Variants in CCDC102B observed in about 807,000 individuals in gnomAD.
CCDC102B encodes coiled-coil domain containing 102B, also known as coiled-coil domain-containing protein 102B.
Under a neutral mutation model 57.4 loss-of-function variants are expected in CCDC102B, and 75 were observed. The ratio of observed to expected loss-of-function variants is 1.31; its 90% confidence interval spans 1.08 to 1.58. The LOEUF is 1.58. CCDC102B is among the 40% of genes most tolerant of loss of function. The pLI is 0.00. For missense variants in CCDC102B, 636 were observed against 582.6 expected (o/e 1.09, Z -0.94); for synonymous variants, 206 against 201.9 (o/e 1.02, Z -0.17).
At chr18:68,829,558 G>A (rs1381870440) in intron 1 of CCDC102B, among the ~76,000 whole-genome samples, 2 of 151,942 alleles carry the variant, frequency 1.3e-5, no homozygotes, top group Admixed American at 6.6e-5. Flanking sequence ...TTCAAACTTC[G>A]TGAAGTCTGA....
At chr18:68,773,205 G>C (rs1209932631) in intron 2 of CCDC102B, among the ~76,000 whole-genome samples, 1 of 151,970 alleles carries the variant, frequency 6.6e-6, no homozygotes, top group African/African-American at 2.4e-5. Flanking sequence ...GAATCGGATT[G>C]AGTTCCTTCT....
In CCDC102B at chr18:68,897,417, GA is replaced by G. The variant is rs562973346; in HGVS notation, c.1259del (p.Asn420ThrfsTer5). ...CAAGATGTCACAAATTGATCTGCAA[GA>G]AAAAAACCAGGTATGGGTGCTCCTT... is the stretch of plus-strand genomic sequence containing the variant. ...DFKMSQIDLQ[E>X]KNQELLNLQH... On this transcript the variant is annotated frameshift_variant, in exon 6 of 8. Transcript: ENST00000360242. LOFTEE classifies it high-confidence loss of function. 1.2e-6 allele frequency: 2 copies of G among 1,609,412 alleles called. No individual in the cohort carries two copies. Among genetic ancestry groups the G allele is most frequent in the Non-Finnish European group, 1.7e-6 (2 of 1,178,106 alleles).
intron 2 of CCDC102B, among the ~76,000 whole-genome samples, chr18:68,772,885 A>G (rs145881358): frequency 2.0e-5 from 3 of 152,172 alleles, no homozygotes; most frequent in Non-Finnish European, 4.4e-5. Context: ...AGAAAGAAAG[A>G]ATATAAAGGA....
chr18:68,995,407 C>T (rs900516991), intron 6 of CCDC102B, among the ~76,000 whole-genome samples: 1 of 152,074 alleles, frequency 6.6e-6, no homozygotes, highest in African/African-American at 2.4e-5. Context: ...CTTAGGTCGG[C>T]TTAGGAGGAA....
chr18:68,811,187 G>T (rs917800478), intron 1 of CCDC102B, among the ~76,000 whole-genome samples: 1 of 152,164 alleles, frequency 6.6e-6, no homozygotes, highest in African/African-American at 2.4e-5. Flanking sequence ...ATAGTAGAAT[G>T]ATTTATAATC....
intron 6 of CCDC102B, among the ~76,000 whole-genome samples, chr18:69,003,295 A>T (rs2051255511): frequency 1.3e-5 from 2 of 152,194 alleles, no homozygotes; most frequent in African/African-American, 4.8e-5. Context: ...TATCATTTAA[A>T]TGATCATAAC....
chr18:68,740,131 C>T (rs1386850886), intron 2 of CCDC102B, among the ~76,000 whole-genome samples: 3 of 152,188 alleles, frequency 2.0e-5, no homozygotes, highest in Non-Finnish European at 4.4e-5. Context: ...TGTTTACCAG[C>T]ACCTTGGCTT....
chr18:68,789,206 G>A (rs2035334040), intron 2 of CCDC102B, among the ~76,000 whole-genome samples: 1 of 152,176 alleles, frequency 6.6e-6, no homozygotes, highest in African/African-American at 2.4e-5. Context: ...TCTGCTGTTA[G>A]TCTGATGGGC....
At chr18:68,765,367 A>G (rs2034423672) in intron 2 of CCDC102B, among the ~76,000 whole-genome samples, 1 of 147,634 alleles carries the variant, frequency 6.8e-6, no homozygotes, top group Non-Finnish European at 1.5e-5. Flanking sequence ...GAAAGAAAGA[A>G]AGAAAGAAAG....
At chr18:68,830,078 T>C (rs2037082228) in intron 1 of CCDC102B, among the ~76,000 whole-genome samples, 1 of 151,948 alleles carries the variant, frequency 6.6e-6, no homozygotes, top group Non-Finnish European at 1.5e-5. Flanking sequence ...TTTGGAGTTA[T>C]TGGTTATGTG....
chr18:69,025,216 T>C (rs2051951825), intron 7 of CCDC102B, among the ~76,000 whole-genome samples: 1 of 152,186 alleles, frequency 6.6e-6, no homozygotes, highest in Admixed American at 6.5e-5. Context: ...AACTAATATA[T>C]GTACACTAAT....
intron 1 of CCDC102B, among the ~76,000 whole-genome samples, chr18:68,818,343 T>G (rs1232887552): frequency 6.6e-6 from 1 of 152,232 alleles, no homozygotes; most frequent in Non-Finnish European, 1.5e-5. Flanking sequence ...ATAGTATTTG[T>G]AAAGACAGTA....
intron 2 of CCDC102B, among the ~76,000 whole-genome samples, chr18:68,778,952 G>T (rs1326796494): frequency 6.6e-6 from 1 of 151,796 alleles, no homozygotes; most frequent in Non-Finnish European, 1.5e-5. Context: ...GGTAAATAGG[G>T]TGGGTATATG....
chr18:68,982,233 CAG>C (rs2050606343), intron 6 of CCDC102B, among the ~76,000 whole-genome samples: 1 of 150,144 alleles, frequency 6.7e-6, no homozygotes, highest in Non-Finnish European at 1.5e-5. Flanking sequence ...TCATTCCTAA[CAG>C]TGTAAAAAAA....
intron 6 of CCDC102B, among the ~76,000 whole-genome samples, chr18:69,007,687 G>T (rs2051389714): frequency 6.6e-6 from 1 of 152,116 alleles, no homozygotes; most frequent in Non-Finnish European, 1.5e-5. Context: ...TGCTGGCTTG[G>T]GTATGACTTA....
intron 6 of CCDC102B, among the ~76,000 whole-genome samples, chr18:68,956,341 T>TATATATAAAATATATA (rs1555732897): frequency 1.7e-4 from 9 of 52,078 alleles, no homozygotes; most frequent in African/African-American, 2.7e-4. Flanking sequence ...TTATATATAA[T>TATATATAAAATATATA]ATATATATTA....
At chr18:68,842,236 AGT>A (rs201261910) in intron 3 of CCDC102B, among the ~76,000 whole-genome samples, 3 of 131,654 alleles carry the variant, frequency 2.3e-5, no homozygotes, top group Non-Finnish European at 5.1e-5. Flanking sequence ...ATATATATAA[AGT>A]ATATATATAT....
intron 5 of CCDC102B, among the ~76,000 whole-genome samples, chr18:68,876,332 T>G (rs188533658): frequency 6.6e-6 from 1 of 152,282 alleles, no homozygotes; most frequent in African/African-American, 2.4e-5. Flanking sequence ...TCACCAGAGA[T>G]CATACCTTTC....
chr18:68,915,354 C>T (rs985192920), intron 6 of CCDC102B, among the ~76,000 whole-genome samples: 1 of 152,108 alleles, frequency 6.6e-6, no homozygotes, highest in Non-Finnish European at 1.5e-5. Context: ...CTACTTTAAG[C>T]TAGTTAAAAT....
Sources: allele counts gnomAD v4.1 joint callset (sites outside exome capture counted in the v4.1 genomes callset), GRCh38; gene constraint gnomAD v4.1.1; transcripts MANE v1.5; gene names NCBI Gene and HGNC (gene_info 2026-07-23, HGNC 2026-07-21).